ERAP2: variants seen among roughly 807,000 people sequenced by gnomAD.
ERAP2 encodes endoplasmic reticulum aminopeptidase 2.
In ERAP2, 118 loss-of-function variants were observed where a neutral mutation model predicts 111.1. The observed-to-expected ratio is 1.06, with a 90% CI of 0.92 to 1.24. The LOEUF is 1.24. Ranked by LOEUF, ERAP2 falls within the 50% of genes most tolerant of loss-of-function variation. The probability of loss-of-function intolerance (pLI) is 0.00; values close to 1 mark genes in which losing one functional copy is unlikely to be tolerated. For missense variants in ERAP2, 1,131 were observed against 1,125.8 expected, an observed-to-expected ratio of 1.00 and a Z score of -0.07; for synonymous variants, 410 against 401.2, an observed-to-expected ratio of 1.02 and a Z score of -0.26.
In ERAP2 at chr5:96,888,631, C is replaced by T. The variant is rs576353564; in HGVS notation, c.850-554C>T. Among the ~76,000 whole-genome samples, 3 of 152,300 alleles carry T rather than the reference C, an allele frequency of 2.0e-5. No homozygotes were observed. The South Asian group carries it at 6.2e-4, about 32-fold the overall frequency. On this transcript the variant is annotated intron_variant, in intron 4 of 18. Coordinates refer to ENST00000437043, the MANE Select transcript of ERAP2 (RefSeq NM_022350.5). Reference sequence around the variant, plus strand: ...GTCATGAAATAAAAGTAGCTCTATACTTGGAAGGCAAGAAAATTTGAATCT... The same window carrying T: ...GTCATGAAATAAAAGTAGCTCTATATTTGGAAGGCAAGAAAATTTGAATCT...
At chr5:96,913,134 G>T (rs1159890257) in intron 16 of ERAP2, among the ~76,000 whole-genome samples, 183 bp from the exon 17 acceptor site, 1 of 152,084 alleles carries the variant, frequency 6.6e-6, no homozygotes, top group Non-Finnish European at 1.5e-5. Flanking sequence ...AAATGTTTTT[G>T]ATAGGAACAA....
At position 96,892,340 on chromosome 5, in the gene ERAP2, A is replaced by G. The variant is rs1240551584; in HGVS notation, c.1012A>G (p.Asn338Asp). 3.1e-6 allele frequency: 5 copies of G among 1,613,864 alleles called. No individual in the cohort carries two copies. Among genetic ancestry groups the G allele is most frequent in the Non-Finnish European group, 4.2e-6 (5 of 1,179,926 alleles). Reference protein sequence around the residue: ...IPDFAPGAMENWGLITYRETS... With the variant: ...IPDFAPGAMEDWGLITYRETS... ...TGACTTTGCACCTGGAGCCATGGAAAATTGGGGCCTCATTACATATAGGGA... is the reference window on the plus strand; with the variant it reads ...TGACTTTGCACCTGGAGCCATGGAAGATTGGGGCCTCATTACATATAGGGA... The change falls in exon 6 of 19, where the codon AAT becomes GAT. Residue 338 changes from asparagine (N) to aspartate (D), a missense_variant. Asn to Asp is a conservative substitution (Grantham distance 23, BLOSUM62 1). Around this residue, in one of 3 missense-constraint regions of ERAP2, gnomAD observed 847 missense variants for 856.5 expected, o/e 0.99. Transcript: ENST00000437043.
intron 6 of ERAP2, among the ~76,000 whole-genome samples, chr5:96,893,643 T>C (rs1287687627): frequency 1.3e-5 from 2 of 152,138 alleles, no homozygotes; most frequent in Non-Finnish European, 2.9e-5. Flanking sequence ...TTTAATAGCT[T>C]CTCTTCCACG....
chr5:96,878,955 G>A (rs1230365), intron 1 of ERAP2, among the ~76,000 whole-genome samples: 87,806 of 151,934 alleles, frequency 0.58, 25,607 homozygotes, highest in Middle Eastern at 0.68. Context: ...TAAAAATAAA[G>A]TAGGCTGGTC....
chr5:96,895,358 T>G lies in ERAP2; in HGVS notation c.1238T>G (p.Phe413Cys). Residue 413 changes from phenylalanine to cysteine, a missense_variant and splice_region_variant, in exon 7 of 19, where the codon TTT becomes TGT. Phe to Cys is a radical substitution (Grantham distance 205, BLOSUM62 -2). Around this residue, in one of 3 missense-constraint regions of ERAP2, gnomAD observed 847 missense variants for 856.5 expected, o/e 0.99. Coordinates refer to ENST00000437043, the MANE Select transcript of ERAP2 (RefSeq NM_022350.5). Reference protein sequence around the residue: ...AVNATYPELQFDDYFLNVCFE... With the variant: ...AVNATYPELQCDDYFLNVCFE... The stretch of plus-strand genomic sequence containing the variant: ...AATGCTACATATCCAGAGCTGCAAT[T>G]TGTAAGTTCACAATTCTGTGTATCA... 6.3e-7 allele frequency: 1 copy of G among 1,590,790 alleles called. No homozygotes were observed. Among genetic ancestry groups the G allele is most frequent in the South Asian group, 1.1e-5 (1 of 90,000 alleles).
chr5:96,917,688 C>G lies in ERAP2; in HGVS notation c.*83C>G. 8.7e-7 allele frequency: 1 copy of G among 1,146,978 alleles called. No homozygotes were observed. Among genetic ancestry groups the G allele is most frequent in the Non-Finnish European group, 1.2e-6 (1 of 825,910 alleles). 71.1% of individuals were successfully genotyped at this position (1,146,978 alleles called of 1,614,324 possible). ...TTGGGAGGCTGAGAAGGGCGGATCACGAGGTCAGGAGATGGAGACCATCCT... is the reference window on the plus strand; with the variant it reads ...TTGGGAGGCTGAGAAGGGCGGATCAGGAGGTCAGGAGATGGAGACCATCCT... On this transcript the variant is annotated 3_prime_UTR_variant, in exon 19 of 19. Coordinates refer to ENST00000437043, the MANE Select transcript of ERAP2 (RefSeq NM_022350.5).
rs765008993 is a variant in ERAP2, at chr5:96,909,593, A to G, written c.2183A>G (p.Gln728Arg). ...TATTTTCTGCAGCGTTACCTTCTTC[A>G]GTATTTTAAGCCAGTGATTGACAGG... ...ISENLKRYLL[Q>R]YFKPVIDRQS... The change falls in exon 15 of 19, where the codon CAG (glutamine) becomes CGG (arginine). Residue 728 changes from glutamine (Q) to arginine (R), a missense_variant. Around this residue, in one of 3 missense-constraint regions of ERAP2, gnomAD observed 5 missense variants for 18.4 expected, o/e 0.27. Coordinates refer to ENST00000437043, the MANE Select transcript of ERAP2 (RefSeq NM_022350.5). 12 of 1,613,842 alleles carry G rather than the reference A, an allele frequency of 7.4e-6. No homozygotes were observed. Among genetic ancestry groups the G allele is most frequent in the Admixed American group, 5.0e-5 (3 of 59,984 alleles).
chr5:96,916,712 C>T (rs975378019), intron 18 of ERAP2, among the ~76,000 whole-genome samples: 4 of 151,772 alleles, frequency 2.6e-5, no homozygotes, highest in South Asian at 2.1e-4. Context: ...TCGTGATCCA[C>T]CCACTTTGGC....
chr5:96,880,022 A>T lies in ERAP2; in HGVS notation c.337A>T (p.Lys113Ter), dbSNP rs1311308926. ...TACCCAGTTTATCATCTTGCACAGC[A>T]AAGATCTTGAAATCACGAATGCCAC... is the stretch of plus-strand genomic sequence containing the variant. ...NATQFIILHSKDLEITNATLQ... is the reference protein window; with the variant it reads ...NATQFIILHS The change falls in exon 2 of 19, where the codon AAA (lysine) becomes TAA (stop). Residue 113 changes from lysine to a stop codon, truncating the protein, a stop_gained. Transcript: ENST00000437043. LOFTEE classifies it high-confidence loss of function. 6.2e-7 allele frequency: 1 copy of T among 1,614,190 alleles called. No individual in the cohort carries two copies. Among genetic ancestry groups the T allele is most frequent in the Middle Eastern group, 1.7e-4 (1 of 6,060 alleles).
intron 15 of ERAP2, among the ~76,000 whole-genome samples, chr5:96,912,210 G>GAAAA (rs1361206138): frequency 2.2e-5 from 3 of 134,986 alleles, no homozygotes; most frequent in African/African-American, 8.3e-5. Flanking sequence ...AAAAAGAAAA[G>GAAAA]AAAAGAAAAA....
intron 10 of ERAP2, among the ~76,000 whole-genome samples, chr5:96,901,303 C>G (rs1420615053): frequency 6.6e-5 from 10 of 152,150 alleles, no homozygotes; most frequent in African/African-American, 2.4e-4. Context: ...GTATATATCC[C>G]TCAATTCAAG....
chr5:96,898,592 A>AAAT (rs70981854), intron 9 of ERAP2, among the ~76,000 whole-genome samples: 1 of 150,372 alleles, frequency 6.7e-6, no homozygotes, highest in African/African-American at 2.4e-5. Context: ...AAAAAAAAAA[A>AAAT]TTAGCCAGGT....
At chr5:96,880,386 G>A in intron 2 of ERAP2, 126 bp downstream of exon 2, 1 of 849,440 alleles carries the variant, frequency 1.2e-6, no homozygotes, top group Non-Finnish European at 1.8e-6. Flanking sequence ...GAACCCAGAA[G>A]AAGGAAAAGA....
At chr5:96,879,006 T>C (rs1160354148) in intron 1 of ERAP2, among the ~76,000 whole-genome samples, 1 of 152,084 alleles carries the variant, frequency 6.6e-6, no homozygotes, top group Non-Finnish European at 1.5e-5. Flanking sequence ...TTGGGAGGAT[T>C]GCTTGAGTTT....
In ERAP2 at chr5:96,918,325, A is replaced by G. The variant is rs1787669933; in HGVS notation, c.*720A>G. On this transcript the variant is annotated 3_prime_UTR_variant, in exon 19 of 19. Transcript: ENST00000437043. ...TGCTTAGTATTCTATAGTTTGCCCA[A>G]CCAGTTTTACGTCCAAGGAAAATTA... is the stretch of plus-strand genomic sequence containing the variant. 2 of 152,254 alleles carry G rather than the reference A, an allele frequency of 1.3e-5. No individual in the cohort carries two copies. The highest frequency in any genetic ancestry group is 1.3e-4 in the Admixed American group (2 of 15,282). The allele number at this position is 152,254 out of a possible 1,614,324, so 9.4% of individuals were successfully genotyped here.
At chr5:96,916,765 C>CT (rs34358677) in intron 18 of ERAP2, among the ~76,000 whole-genome samples, 73,566 of 144,870 alleles carry the variant, frequency 0.51, 18,564 homozygotes, top group Non-Finnish European at 0.54. Context: ...ACCAGCCTAT[C>CT]TTTTTTTTTT....
At chr5:96,881,200 T>G (rs145960687) in intron 2 of ERAP2, 64 of 346,042 alleles carry the variant, frequency 1.8e-4, no homozygotes, top group Admixed American at 3.3e-4. Context: ...CTCTGATTTA[T>G]GCTTTATAAA....
At chr5:96,885,311 C>T (rs565485372) in intron 3 of ERAP2, among the ~76,000 whole-genome samples, 1 of 152,298 alleles carries the variant, frequency 6.6e-6, no homozygotes, top group East Asian at 1.9e-4. Context: ...ACAGCACCTC[C>T]TCTGCTGGGA....
rs1455085366 is a variant in ERAP2 at position 96,919,530 on chromosome 5, G to T, written c.*1925G>T. ...CCATCAACAATGTTTCCATAAATAT[G>T]CAGAGTTCTTTCTTTTGTATTGTTA... On this transcript the variant is annotated 3_prime_UTR_variant, in exon 19 of 19. Coordinates refer to ENST00000437043, the MANE Select transcript of ERAP2 (RefSeq NM_022350.5). The T allele has an allele frequency of 6.6e-6, 1 of 152,158 alleles. No homozygotes were observed. Among genetic ancestry groups the T allele is most frequent in the Non-Finnish European group, 1.5e-5 (1 of 67,992 alleles). The allele number at this position is 152,158 out of a possible 1,614,324, so 9.4% of individuals were successfully genotyped here. A position where few individuals can be genotyped will look rare whatever the true frequency, so the allele number is the denominator to read the frequency against.
Sources: allele counts gnomAD v4.1 joint callset (sites outside exome capture counted in the v4.1 genomes callset), GRCh38; gene constraint gnomAD v4.1.1; regional missense constraint gnomAD v4.1.1; transcripts MANE v1.5; gene names NCBI Gene and HGNC (gene_info 2026-07-23, HGNC 2026-07-21).